TTLL9: variants seen among roughly 807,000 people sequenced by gnomAD.
The protein encoded by TTLL9 is tubulin tyrosine ligase like 9.
Under a neutral mutation model 65.6 loss-of-function variants are expected in TTLL9, and 47 were observed. That is an observed-to-expected ratio of 0.72 (90% CI 0.57 to 0.91). The LOEUF (loss-of-function observed/expected upper bound fraction) is 0.91. Ranked by LOEUF, TTLL9 falls within the 40% of genes least tolerant of loss-of-function variation. TTLL9 has a pLI of 0.00. For missense variants in TTLL9, 537 were observed against 568.8 expected, an observed-to-expected ratio of 0.94 and a Z score of 0.57; for synonymous variants, 179 against 204.8, an observed-to-expected ratio of 0.87 and a Z score of 1.07.
intron 3 of TTLL9, among the ~76,000 whole-genome samples, chr20:31,895,787 C>T (rs1397433092): frequency 1.3e-5 from 2 of 151,412 alleles, no homozygotes; most frequent in African/African-American, 4.9e-5. Flanking sequence ...AGTCCCTCTG[C>T]CTTCTGGAAC....
intron 6 of TTLL9, among the ~76,000 whole-genome samples, chr20:31,916,699 A>G (rs2063739251): frequency 6.6e-6 from 1 of 152,176 alleles, no homozygotes; most frequent in African/African-American, 2.4e-5. Flanking sequence ...CACCTCATGG[A>G]TGTGACATGG....
chr20:31,931,145 T>C (rs2064002678), intron 10 of TTLL9, among the ~76,000 whole-genome samples: 1 of 141,418 alleles, frequency 7.1e-6, no homozygotes, highest in African/African-American at 2.6e-5. Context: ...AGTGGCACAA[T>C]CACGGTTCAC....
chr20:31,874,682 T>C (rs1281768372), intron 2 of TTLL9, among the ~76,000 whole-genome samples: 2 of 152,138 alleles, frequency 1.3e-5, no homozygotes, highest in African/African-American at 2.4e-5. Context: ...AATGCTGGGA[T>C]TACAGGCGTG....
intron 7 of TTLL9, among the ~76,000 whole-genome samples, chr20:31,922,395 C>T (rs2063827433): frequency 6.6e-6 from 1 of 152,210 alleles, no homozygotes; most frequent in South Asian, 2.1e-4. Flanking sequence ...CATCCGTCTC[C>T]AGAACGTTTC....
chr20:31,925,934 TC>T, intron 9 of TTLL9, 114 bp from the exon 10 acceptor site: 1 of 1,559,496 alleles, frequency 6.4e-7, no homozygotes. Flanking sequence ...AACACCCGCT[TC>T]ACACTGAACA....
At chr20:31,936,586 T>C (rs2064113146) in intron 12 of TTLL9, among the ~76,000 whole-genome samples, 1 of 152,156 alleles carries the variant, frequency 6.6e-6, no homozygotes, top group African/African-American at 2.4e-5. Context: ...AGCCACCCCT[T>C]TAGACTTGGA....
intron 4 of TTLL9, among the ~76,000 whole-genome samples, chr20:31,906,488 G>C (rs554080109): frequency 2.0e-5 from 3 of 152,194 alleles, no homozygotes; most frequent in Non-Finnish European, 4.4e-5. Flanking sequence ...CTCCCCATTG[G>C]TCTTGTTCAG....
At chr20:31,911,258 CACA>C (rs960782781) in intron 6 of TTLL9, among the ~76,000 whole-genome samples, 3 of 152,172 alleles carry the variant, frequency 2.0e-5, no homozygotes, top group African/African-American at 7.2e-5. Context: ...TTTCTGGTGC[CACA>C]ACTGTCACTC....
At chr20:31,921,972 TAAAA>T (rs34154431) in intron 7 of TTLL9, among the ~76,000 whole-genome samples, 1 of 151,226 alleles carries the variant, frequency 6.6e-6, no homozygotes, top group Non-Finnish European at 1.5e-5. Flanking sequence ...TAAAGTATAA[TAAAA>T]AAAAATTGTG....
intron 12 of TTLL9, among the ~76,000 whole-genome samples, chr20:31,935,372 A>G (rs2064092747): frequency 6.6e-6 from 1 of 152,226 alleles, no homozygotes; most frequent in African/African-American, 2.4e-5. Context: ...ATGGCCTCAC[A>G]TGATGCAACA....
chr20:31,880,466 G>A (rs1215073101), intron 2 of TTLL9, among the ~76,000 whole-genome samples: 3 of 151,550 alleles, frequency 2.0e-5, no homozygotes, highest in Non-Finnish European at 4.4e-5. Flanking sequence ...ATGAATTACA[G>A]TAAAATTCAG....
At chr20:31,917,329 C>A (rs1175620830) in intron 6 of TTLL9, among the ~76,000 whole-genome samples, 1 of 152,188 alleles carries the variant, frequency 6.6e-6, no homozygotes, top group Admixed American at 6.5e-5. Flanking sequence ...TACCTTGTGT[C>A]TGGTGTCTCT....
intron 2 of TTLL9, among the ~76,000 whole-genome samples, chr20:31,876,859 G>A (rs1348827869): frequency 6.6e-6 from 1 of 152,056 alleles, no homozygotes; most frequent in Non-Finnish European, 1.5e-5. Context: ...CAAATCATAC[G>A]ATTATTTTTA....
At chr20:31,935,128 G>C (rs748805485) in intron 12 of TTLL9, among the ~76,000 whole-genome samples, 2 of 152,160 alleles carry the variant, frequency 1.3e-5, no homozygotes, top group African/African-American at 2.4e-5. Flanking sequence ...ACTGAGGACC[G>C]AGCCTGGCAC....
chr20:31,899,456 C>G (rs2063438751), intron 4 of TTLL9, among the ~76,000 whole-genome samples: 1 of 151,818 alleles, frequency 6.6e-6, no homozygotes, highest in Non-Finnish European at 1.5e-5. Flanking sequence ...ATGGCAAGAC[C>G]CTGTCTCTAC....
chr20:31,873,868 GAAAGAAAGAA>G (rs1203651841), intron 2 of TTLL9, among the ~76,000 whole-genome samples: 2 of 144,388 alleles, frequency 1.4e-5, no homozygotes, highest in African/African-American at 5.1e-5. Context: ...AAGAAAGAAA[GAAAGAAAGAA>G]AGAAAGAGAA....
intron 6 of TTLL9, among the ~76,000 whole-genome samples, chr20:31,910,594 A>C (rs772125548): frequency 6.6e-6 from 1 of 152,234 alleles, no homozygotes; most frequent in Non-Finnish European, 1.5e-5. Context: ...GGCCTCAGGC[A>C]GCTTACGCAC....
chr20:31,896,258 G>A (rs1226353392), intron 3 of TTLL9, among the ~76,000 whole-genome samples: 5 of 152,112 alleles, frequency 3.3e-5, no homozygotes, highest in South Asian at 2.1e-4. Context: ...GATTATAGGC[G>A]TGAGCCACCT....
In TTLL9 at chr20:31,924,991, T is replaced by G. The variant is rs1568820121; in HGVS notation, c.665-18T>G. On this transcript the variant is annotated intron_variant, in intron 8 of 14. Coordinates refer to ENST00000535842, the MANE Select transcript of TTLL9 (RefSeq NM_001008409.5). ...ATCAATATTTGTTGCACAAATTAATTTTTTCCTTGCCTGACAGGCCGCAAG... is the reference window on the plus strand; with the variant it reads ...ATCAATATTTGTTGCACAAATTAATGTTTTCCTTGCCTGACAGGCCGCAAG... 6.2e-7 allele frequency: 1 copy of G among 1,614,048 alleles called. No homozygotes were observed. The highest frequency in any genetic ancestry group is 1.7e-5 in the Admixed American group (1 of 60,018).
Sources: allele counts gnomAD v4.1 joint callset (sites outside exome capture counted in the v4.1 genomes callset), GRCh38; gene constraint gnomAD v4.1.1; transcripts MANE v1.5; gene names NCBI Gene and HGNC (gene_info 2026-07-23, HGNC 2026-07-21).